The following ASTN2 variants were observed in gnomAD, a reference collection of about 807,000 sequenced individuals.
The protein encoded by ASTN2 is astrotactin 2, also known as astrotactin-2.
ASTN2 carries 54 observed loss-of-function variants against 139.8 expected under a neutral mutation model. The observed-to-expected ratio is 0.39, with a 90% CI of 0.31 to 0.48. The LOEUF (loss-of-function observed/expected upper bound fraction) is 0.48, where lower values mean the gene tolerates loss of function less well. Among genes scored for constraint, ASTN2 ranks in the 20% least tolerant of loss-of-function variants. ASTN2 has a pLI of 0.95. For missense variants in ASTN2, 1,565 were observed against 1,725.1 expected, an observed-to-expected ratio of 0.91 and a Z score of 1.64; for synonymous variants, 756 against 719.5, an observed-to-expected ratio of 1.05 and a Z score of -0.81.
chr9:117,129,927 T>C (rs1307177259), intron 4 of ASTN2, among the ~76,000 whole-genome samples: 1 of 152,206 alleles, frequency 6.6e-6, no homozygotes, highest in Non-Finnish European at 1.5e-5. Context: ...ATATTTTTCC[T>C]TTCCCTTTCC....
At chr9:116,468,427 T>C (rs1210074147) in intron 20 of ASTN2, among the ~76,000 whole-genome samples, 1 of 152,160 alleles carries the variant, frequency 6.6e-6, no homozygotes, top group Non-Finnish European at 1.5e-5. Flanking sequence ...GGCAAGGAAT[T>C]GGAGTAGAGT....
At chr9:116,623,601 C>A (rs756450106) in intron 17 of ASTN2, among the ~76,000 whole-genome samples, 7 of 152,184 alleles carry the variant, frequency 4.6e-5, no homozygotes, top group Non-Finnish European at 1.0e-4. Flanking sequence ...AATCATGTAA[C>A]CTAATCCGTT....
At position 117,354,625 on chromosome 9, in the gene ASTN2, G is replaced by C. The variant is rs1202788750; in HGVS notation, c.442+59872C>G. Among the ~76,000 whole-genome samples the C allele has an allele frequency of 3.3e-5, 5 of 152,192 alleles. No homozygotes were observed. In the East Asian group the frequency reaches 9.7e-4, roughly 29 times the overall value. ...AACAGTCTCTGTGTTGCTTCAGGTAGGTCTTACTCCTTCCCACCAGACCTT... is the reference window on the plus strand; with the variant it reads ...AACAGTCTCTGTGTTGCTTCAGGTACGTCTTACTCCTTCCCACCAGACCTT... On this transcript the variant is annotated intron_variant, in intron 1 of 22. Transcript: ENST00000313400.
rs58184768 is a variant in ASTN2, at chr9:117,225,535, G to GTATATATA, written c.631-10801_631-10794dup. ...CAAGACCAGCCTGGCCAAGCTGTAT[G>GTATATATA]TATATATATATATATATATATATAT... On this transcript the variant is annotated intron_variant, in intron 2 of 22. Coordinates refer to ENST00000313400, the MANE Select transcript of ASTN2 (RefSeq NM_001365068.1). Among the ~76,000 whole-genome samples the GTATATATA allele has an allele frequency of 1.7e-4, 11 of 63,950 alleles. 1 individual carries two copies. The highest frequency in any genetic ancestry group is 4.8e-4 in the African/African-American group (11 of 22,928). 42.0% of individuals were successfully genotyped at this position (63,950 alleles called of 152,430 possible). A position where few individuals can be genotyped will look rare whatever the true frequency, so the allele number is the denominator to read the frequency against.
intron 20 of ASTN2, among the ~76,000 whole-genome samples, chr9:116,487,060 C>G (rs7852872): frequency 0.36 from 54,173 of 151,998 alleles, 10,133 homozygotes; most frequent in South Asian, 0.52. Context: ...TTGATAACTT[C>G]ATCTGTGCTC....
At chr9:116,890,872 T>C (rs1399070036) in intron 10 of ASTN2, among the ~76,000 whole-genome samples, 1 of 152,158 alleles carries the variant, frequency 6.6e-6, no homozygotes, top group African/African-American at 2.4e-5. Context: ...AAAGAAAATG[T>C]ATCATTGATC....
intron 1 of ASTN2, among the ~76,000 whole-genome samples, chr9:117,299,211 C>A (rs1167005029): frequency 6.6e-6 from 1 of 152,136 alleles, no homozygotes; most frequent in Non-Finnish European, 1.5e-5. Context: ...TGATTTTAAT[C>A]ATATTCTCAT....
At chr9:116,437,293 A>C (rs550213825) in intron 22 of ASTN2, 159 of 471,250 alleles carry the variant, frequency 3.4e-4, no homozygotes, top group Non-Finnish European at 6.3e-4. Context: ...AGGGTTGCAC[A>C]GTGAGCTTAT....
intron 3 of ASTN2, among the ~76,000 whole-genome samples, chr9:117,156,654 G>A (rs918547264): frequency 1.3e-5 from 2 of 151,976 alleles, no homozygotes; most frequent in Admixed American, 6.6e-5. Flanking sequence ...ATGAAGAGGT[G>A]TTAACTGGGT....
intron 3 of ASTN2, among the ~76,000 whole-genome samples, chr9:117,171,053 A>C (rs1179736638): frequency 6.6e-6 from 1 of 152,148 alleles, no homozygotes; most frequent in Non-Finnish European, 1.5e-5. Context: ...TGAGCTCTCC[A>C]AGGATGAGAG....
chr9:116,801,517 T>A (rs1830848350), intron 13 of ASTN2, among the ~76,000 whole-genome samples: 1 of 129,096 alleles, frequency 7.7e-6, no homozygotes, highest in Non-Finnish European at 1.5e-5. Flanking sequence ...AGGTGGAGGT[T>A]ACAGTGAGCC....
chr9:116,707,169 G>A (rs1828010317), intron 16 of ASTN2, among the ~76,000 whole-genome samples: 1 of 149,972 alleles, frequency 6.7e-6, no homozygotes, highest in South Asian at 2.1e-4. Context: ...ACTCATGGAC[G>A]AAGACCATGT....
intron 19 of ASTN2, among the ~76,000 whole-genome samples, chr9:116,578,753 G>A (rs1255301618): frequency 6.8e-6 from 1 of 147,066 alleles, no homozygotes; most frequent in Non-Finnish European, 1.5e-5. Flanking sequence ...ATTTTAAAAA[G>A]CTGCGTTTTT....
rs117836248 is a variant in ASTN2, at chr9:117,065,569, T to A, written c.1277-25604A>T. 8.9e-3 allele frequency among the ~76,000 whole-genome samples: 1,353 copies of A among 152,266 alleles called. 11 individuals carry two copies. Among genetic ancestry groups the A allele is most frequent in the South Asian group, 0.042 (205 of 4,826 alleles). Reference sequence around the variant, plus strand: ...CTCTCTCCCCTACCAGAATTTAGAGTTTGCCTGGAGTGTAGACCATCTGTG... The same window carrying A: ...CTCTCTCCCCTACCAGAATTTAGAGATTGCCTGGAGTGTAGACCATCTGTG... On this transcript the variant is annotated intron_variant, in intron 5 of 22. Transcript: ENST00000313400.
chr9:116,796,381 G>C (rs1220366231), intron 13 of ASTN2, among the ~76,000 whole-genome samples: 3 of 152,118 alleles, frequency 2.0e-5, no homozygotes, highest in Non-Finnish European at 4.4e-5. Flanking sequence ...GGGAAAAATG[G>C]TGGGTCTTGG....
At chr9:116,636,042 T>TG (rs1321889995) in intron 17 of ASTN2, among the ~76,000 whole-genome samples, 1 of 152,186 alleles carries the variant, frequency 6.6e-6, no homozygotes, top group Non-Finnish European at 1.5e-5. Flanking sequence ...CAAACTGTAG[T>TG]GGAAAAAGCC....
chr9:117,064,424 G>A (rs12349211), intron 5 of ASTN2, among the ~76,000 whole-genome samples: 16,783 of 152,126 alleles, frequency 0.11, 2,459 homozygotes, highest in African/African-American at 0.34. Flanking sequence ...GGGGAAACTG[G>A]GATTTGGAGA....
intron 22 of ASTN2, among the ~76,000 whole-genome samples, chr9:116,437,793 A>G (rs1350415009): frequency 3.3e-5 from 5 of 152,214 alleles, no homozygotes; most frequent in Non-Finnish European, 7.3e-5. Context: ...TTATCTAAAG[A>G]ACCTTCCTTT....
intron 7 of ASTN2, among the ~76,000 whole-genome samples, chr9:117,007,362 G>A (rs1249727293): frequency 2.0e-5 from 3 of 152,196 alleles, no homozygotes; most frequent in Non-Finnish European, 4.4e-5. Context: ...TCAGAGTGAT[G>A]AAGATATTCT....
Sources: gnomAD v4.1 joint callset for allele counts (sites outside exome capture counted in the v4.1 genomes callset) on GRCh38, gnomAD v4.1.1 for gene constraint, MANE v1.5 for transcripts, NCBI Gene and HGNC (gene_info 2026-07-23, HGNC 2026-07-21) for gene names.